SPEF2: variants seen among roughly 807,000 people sequenced by gnomAD.
The protein encoded by SPEF2 is sperm flagella and cilia-associated protein 2.
SPEF2 carries 187 observed loss-of-function variants against 224.6 expected under a neutral mutation model. That is an observed-to-expected ratio of 0.83 (90% CI 0.74 to 0.94). The LOEUF (loss-of-function observed/expected upper bound fraction) is 0.94, where lower values mean the gene tolerates loss of function less well. Ranked by LOEUF, SPEF2 falls within the 40% of genes least tolerant of loss-of-function variation. The pLI is 0.00. For synonymous variants in SPEF2, 715 were observed against 707.3 expected (o/e 1.01, Z -0.17); for missense variants, 2,170 against 2,135.6 (o/e 1.02, Z -0.32).
chr5:35,672,276 TTGAA>T (rs1751303909), intron 10 of SPEF2, among the ~76,000 whole-genome samples: 1 of 124,920 alleles, frequency 8.0e-6, no homozygotes, highest in Non-Finnish European at 1.7e-5. Context: ...TATAATGTTA[TTGAA>T]CATTATATAT....
At chr5:35,810,696 C>G (rs555099458) in intron 36 of SPEF2, among the ~76,000 whole-genome samples, 3 of 152,222 alleles carry the variant, frequency 2.0e-5, no homozygotes, top group Non-Finnish European at 4.4e-5. Flanking sequence ...TCTGCCTGCA[C>G]ATTTGCCAAG....
At chr5:35,699,334 A>G (rs962818082) in intron 15 of SPEF2, 11 of 152,226 alleles carry the variant, frequency 7.2e-5, no homozygotes, top group African/African-American at 2.7e-4. Flanking sequence ...GGCTTAGAAG[A>G]ACAAAGTCAA....
In SPEF2 at chr5:35,709,031, GCTC is replaced by G. The variant is rs755272128; in HGVS notation, c.2758_2760del (p.Pro920del). On this transcript the variant is annotated inframe_deletion, in exon 19 of 37. Coordinates refer to ENST00000356031, the MANE Select transcript of SPEF2 (RefSeq NM_024867.4). ...GCTTCCACTTCCTACACCTCCTCCT[GCTC>G]CTCCTCCTGAACCAGAAAAAGAGAA... The G allele has an allele frequency of 2.9e-5, 46 of 1,613,524 alleles. No individual in the cohort carries two copies. Among genetic ancestry groups the G allele is most frequent in the Middle Eastern group, 3.3e-4 (2 of 6,084 alleles).
At chr5:35,624,856 C>T (rs1043295406) in intron 1 of SPEF2, among the ~76,000 whole-genome samples, 1 of 152,120 alleles carries the variant, frequency 6.6e-6, no homozygotes, top group African/African-American at 2.4e-5. Context: ...AGGCTGGTCT[C>T]GAACTCCTGA....
chr5:35,781,333 A>C (rs10941263), intron 30 of SPEF2: 38,339 of 152,030 alleles, frequency 0.25, 6,066 homozygotes, highest in East Asian at 0.54. Flanking sequence ...GTGCCCTGAA[A>C]TTGGTCAGGG....
rs948142222 is a variant in SPEF2, at chr5:35,789,667, T to C, written c.4448-2673T>C. Reference sequence around the variant, plus strand: ...CAAAATGTGGTGAGGGCTACCGTGATTGGAAGTTTTAAATTGTGGCCCACA... The same window carrying C: ...CAAAATGTGGTGAGGGCTACCGTGACTGGAAGTTTTAAATTGTGGCCCACA... On this transcript the variant is annotated intron_variant, in intron 30 of 36. Transcript: ENST00000356031. The C allele has an allele frequency of 4.7e-6, 3 of 636,616 alleles. No individual in the cohort carries two copies. In the Admixed American group the frequency reaches 7.9e-5, roughly 17 times the overall value. The allele number at this position is 636,616 out of a possible 1,614,324, so 39.4% of individuals were successfully genotyped here.
At chr5:35,747,945 GC>G (rs1748812514) in intron 23 of SPEF2, among the ~76,000 whole-genome samples, 1 of 151,976 alleles carries the variant, frequency 6.6e-6, no homozygotes, top group Non-Finnish European at 1.5e-5. Context: ...TATAAAACAA[GC>G]CTCAATAAAT....
chr5:35,713,781 A>C (rs113611376), intron 20 of SPEF2, among the ~76,000 whole-genome samples: 1,594 of 113,668 alleles, frequency 0.014, 292 homozygotes, highest in African/African-American at 0.056. Flanking sequence ...TATATATATT[A>C]TATATAGTGT....
chr5:35,646,982 T>C (rs1470034887), intron 5 of SPEF2, among the ~76,000 whole-genome samples, 175 bp downstream of exon 5: 1 of 152,256 alleles, frequency 6.6e-6, no homozygotes, highest in Non-Finnish European at 1.5e-5. Context: ...TTATTTTATA[T>C]TGTTATTTGT....
intron 34 of SPEF2, among the ~76,000 whole-genome samples, chr5:35,800,517 G>A (rs1345326238): frequency 3.3e-5 from 5 of 152,104 alleles, no homozygotes; most frequent in Non-Finnish European, 7.4e-5. Flanking sequence ...ACAAGTTCAG[G>A]TCTACATGCA....
intron 21 of SPEF2, among the ~76,000 whole-genome samples, chr5:35,736,846 A>G (rs544766822): frequency 1.3e-5 from 2 of 152,208 alleles, no homozygotes; most frequent in South Asian, 2.1e-4. Context: ...TTCTCAAAAT[A>G]CTCTCATAAT....
intron 20 of SPEF2, among the ~76,000 whole-genome samples, chr5:35,714,680 TTTTATTTATTTATTTATTTA>T (rs70973053): frequency 1.5e-5 from 2 of 134,524 alleles, no homozygotes; most frequent in African/African-American, 2.8e-5. Flanking sequence ...TTGGGTTTAT[TTTTATTTATTTATTTATTTA>T]TTTATTTATT....
chr5:35,771,138 T>G (rs969555389), intron 26 of SPEF2, among the ~76,000 whole-genome samples: 6 of 151,706 alleles, frequency 4.0e-5, no homozygotes, highest in African/African-American at 1.5e-4. Context: ...GTATTAAAAT[T>G]TTATGAATGC....
intron 1 of SPEF2, among the ~76,000 whole-genome samples, chr5:35,621,975 G>C (rs1371175303): frequency 2.0e-5 from 3 of 152,122 alleles, no homozygotes. Context: ...ACTACCAAAA[G>C]CTTCTGAAAT....
rs1750247549 is a variant in SPEF2, at chr5:35,664,838, G to GAA, written c.1168-2233_1168-2232insAA. On this transcript the variant is annotated intron_variant, in intron 8 of 36. Transcript: ENST00000356031. ...GGAGAGGGAGAGAGGAAGGAAGGAG[G>GAA]AGAGAGAGAAAACGAGGGAGGAGAA... is the stretch of plus-strand genomic sequence containing the variant. 1.1e-3 allele frequency among the ~76,000 whole-genome samples: 3 copies of GAA among 2,760 alleles called. No homozygotes were observed. In the Admixed American group the frequency reaches 0.013, roughly 12 times the overall value. 1.8% of individuals were successfully genotyped at this position (2,760 alleles called of 152,430 possible).
At chr5:35,655,234 C>G (rs1214828187) in intron 7 of SPEF2, among the ~76,000 whole-genome samples, 1 of 152,168 alleles carries the variant, frequency 6.6e-6, no homozygotes, top group African/African-American at 2.4e-5. Context: ...CCACCCCAGA[C>G]CAGACCTGAA....
intron 3 of SPEF2, among the ~76,000 whole-genome samples, chr5:35,642,389 G>A (rs370185376): frequency 1.3e-3 from 200 of 152,156 alleles, no homozygotes; most frequent in African/African-American, 4.6e-3. Context: ...CTACCGTGCA[G>A]CCCAGTACAC....
chr5:35,756,247 G>A (rs75240999), intron 24 of SPEF2, among the ~76,000 whole-genome samples: 3,062 of 152,130 alleles, frequency 0.02, 75 homozygotes, highest in South Asian at 0.054. Flanking sequence ...AGCCAATTTC[G>A]TTATCAGACG....
chr5:35,725,106 T>C (rs1448151420), intron 20 of SPEF2, among the ~76,000 whole-genome samples: 1 of 152,228 alleles, frequency 6.6e-6, no homozygotes, highest in Non-Finnish European at 1.5e-5. Context: ...ATGTTCAGTC[T>C]CTGGCTCCTT....
Sources: allele counts gnomAD v4.1 joint callset (sites outside exome capture counted in the v4.1 genomes callset), GRCh38; gene constraint gnomAD v4.1.1; transcripts MANE v1.5; gene names NCBI Gene and HGNC (gene_info 2026-07-23, HGNC 2026-07-21).